Variants in LIPJ observed in about 807,000 individuals in gnomAD.
The protein encoded by LIPJ is lipase member J.
In LIPJ, 33 loss-of-function variants were observed where a neutral mutation model predicts 39.8. That is an observed-to-expected ratio of 0.83 (90% CI 0.63 to 1.11). The LOEUF (loss-of-function observed/expected upper bound fraction) is 1.11, where lower values mean the gene tolerates loss of function less well. Ranked by LOEUF, LIPJ falls within the 50% of genes least tolerant of loss-of-function variation. LIPJ has a pLI of 0.00. For missense variants in LIPJ, 422 were observed against 427.9 expected (o/e 0.99, Z 0.12); for synonymous variants, 128 against 139.2 (o/e 0.92, Z 0.57).
chr10:88,618,391 T>A, the LIPJ span: 1 of 152,414 alleles, frequency 6.6e-6, no homozygotes, highest in African/African-American at 2.4e-5. Context: ...ATGAATCAGA[T>A]TCTTCATGCA....
intron 8 of LIPJ, among the ~76,000 whole-genome samples, 192 bp from the exon 9 acceptor site, chr10:88,602,384 T>G (rs1387823046): frequency 6.6e-6 from 1 of 152,052 alleles, no homozygotes; most frequent in Non-Finnish European, 1.5e-5. Context: ...AATAATAGCT[T>G]CTATATTAAT....
downstream of LIPJ, among the ~76,000 whole-genome samples, chr10:88,609,154 A>C (rs1203345952): frequency 6.6e-5 from 10 of 152,296 alleles, no homozygotes; most frequent in South Asian, 1.9e-3. Context: ...AAATGCCAAG[A>C]ACCTGGACCC....
At chr10:88,583,753 C>A (rs1257824820), upstream of LIPJ, 3 of 968,950 alleles carry the variant, frequency 3.1e-6, no homozygotes, top group Non-Finnish European at 3.7e-6. Context: ...CTTTGTGTAA[C>A]CTTCCTGAAC....
At chr10:88,583,223 C>G (rs746274150), upstream of LIPJ, 5 of 1,611,520 alleles carry the variant, frequency 3.1e-6, no homozygotes, top group African/African-American at 6.7e-5. Context: ...CGCTGAGTCT[C>G]TGCGGCGGGG....
At chr10:88,598,613 G>T (rs2134564756) in intron 8 of LIPJ, among the ~76,000 whole-genome samples, 1 of 152,032 alleles carries the variant, frequency 6.6e-6, no homozygotes, top group South Asian at 2.1e-4. Context: ...TCTGATAAAG[G>T]TGAAGTAGAG....
chr10:88,587,733 G>C (rs1320831817), intron 2 of LIPJ, among the ~76,000 whole-genome samples: 1 of 151,978 alleles, frequency 6.6e-6, no homozygotes, highest in Non-Finnish European at 1.5e-5. Context: ...TTTGCTCCAT[G>C]GAATAGTATC....
chr10:88,597,792 T>TTTTTCATA (rs1851312372), intron 8 of LIPJ, among the ~76,000 whole-genome samples: 1 of 151,922 alleles, frequency 6.6e-6, no homozygotes, highest in East Asian at 1.9e-4. Flanking sequence ...ATATTCCCTC[T>TTTTTCATA]TTTTCATATT....
chr10:88,613,089 GT>G, the LIPJ span, among the ~76,000 whole-genome samples: 1 of 152,128 alleles, frequency 6.6e-6, no homozygotes, highest in Non-Finnish European at 1.5e-5. Flanking sequence ...AAAATTGGAT[GT>G]TTTTAGAAGC....
At chr10:88,588,243 T>C (rs940228517) in intron 2 of LIPJ, among the ~76,000 whole-genome samples, 4 of 151,920 alleles carry the variant, frequency 2.6e-5, no homozygotes, top group Non-Finnish European at 5.9e-5. Context: ...GATTAGACTT[T>C]GAAGTAAAAA....
chr10:88,613,711 G>A, the LIPJ span, among the ~76,000 whole-genome samples: 5 of 146,358 alleles, frequency 3.4e-5, no homozygotes, highest in African/African-American at 5.0e-5. Context: ...GCATAAGGGA[G>A]ATCTTCCTGG....
At chr10:88,618,173 A>G in the LIPJ span, 3 of 152,070 alleles carry the variant, frequency 2.0e-5, no homozygotes, top group African/African-American at 4.8e-5. Context: ...GAAAGCAGTC[A>G]TTGTCTATTA....
At chr10:88,606,310 C>A (rs531579156) in intron 10 of LIPJ, among the ~76,000 whole-genome samples, 2 of 152,236 alleles carry the variant, frequency 1.3e-5, no homozygotes, top group South Asian at 4.1e-4. Context: ...TCAGAGTTGA[C>A]GTGGACTGCC....
chr10:88,587,036 A>G (rs750905762), intron 1 of LIPJ, 191 bp downstream of exon 1: 11 of 152,138 alleles, frequency 7.2e-5, no homozygotes, highest in Non-Finnish European at 1.6e-4. Flanking sequence ...AGACAGAAAA[A>G]TAAATCTACT....
chr10:88,622,539 G>A, the LIPJ span, among the ~76,000 whole-genome samples: 10 of 152,102 alleles, frequency 6.6e-5, no homozygotes, highest in East Asian at 1.9e-3. Flanking sequence ...AGGTGGGCTC[G>A]AGAATTTGCA....
At chr10:88,594,639 T>C in intron 5 of LIPJ, 28 bp from the exon 6 acceptor site, 1 of 1,129,512 alleles carries the variant, frequency 8.9e-7, no homozygotes, top group Non-Finnish European at 1.3e-6. Flanking sequence ...TAGAAAGTGC[T>C]ATTTTTATTT....
chr10:88,589,313 G>A (rs1851007826), intron 2 of LIPJ, among the ~76,000 whole-genome samples: 1 of 151,844 alleles, frequency 6.6e-6, no homozygotes, highest in East Asian at 1.9e-4. Flanking sequence ...CTTGCTGCCT[G>A]CTGAGCACTT....
At chr10:88,601,108 C>T (rs771810027) in intron 8 of LIPJ, among the ~76,000 whole-genome samples, 52 of 152,064 alleles carry the variant, frequency 3.4e-4, no homozygotes, top group Non-Finnish European at 8.8e-5. Flanking sequence ...GCCACCATGA[C>T]TGGCTAATTT....
At chr10:88,617,015 C>T in the LIPJ span, among the ~76,000 whole-genome samples, 2 of 152,162 alleles carry the variant, frequency 1.3e-5, no homozygotes, top group Non-Finnish European at 2.9e-5. Context: ...AGCCCCACCA[C>T]TCTCTTCCCT....
At chr10:88,613,703 A>G in the LIPJ span, among the ~76,000 whole-genome samples, 1 of 147,520 alleles carries the variant, frequency 6.8e-6, no homozygotes, top group African/African-American at 2.5e-5. Flanking sequence ...TGGGGATAGC[A>G]TAAGGGAGAT....
Sources: gnomAD v4.1 joint callset for allele counts (sites outside exome capture counted in the v4.1 genomes callset) on GRCh38, gnomAD v4.1.1 for gene constraint, MANE v1.5 for transcripts, NCBI Gene and HGNC (gene_info 2026-07-23, HGNC 2026-07-21) for gene names.